Variants in TMEM59 observed in about 807,000 individuals in gnomAD.
The protein encoded by TMEM59 is transmembrane protein 59.
TMEM59 carries 44 observed loss-of-function variants against 42.2 expected under a neutral mutation model. The ratio of observed to expected loss-of-function variants is 1.04; its 90% CI spans 0.82 to 1.34. TMEM59 has a LOEUF of 1.34. Ranked by LOEUF, TMEM59 falls within the 40% of genes most tolerant of loss-of-function variation. TMEM59 has a pLI of 0.00. For synonymous variants in TMEM59, 148 were observed against 145.8 expected, an observed-to-expected ratio of 1.02 and a Z score of -0.11; for missense variants, 359 against 382.8, an observed-to-expected ratio of 0.94 and a Z score of 0.52.
chr1:54,041,390 A>C (rs192499701), intron 5 of TMEM59, among the ~76,000 whole-genome samples: 189 of 152,368 alleles, frequency 1.2e-3, no homozygotes, highest in African/African-American at 4.2e-3. Flanking sequence ...TTCATGCTCA[A>C]AACATCCTTT....
At chr1:54,048,721 C>T (rs749252588) in intron 1 of TMEM59, 8 of 399,652 alleles carry the variant, frequency 2.0e-5, no homozygotes, top group South Asian at 2.0e-5. Flanking sequence ...CAGTTAGCAA[C>T]CAATGAAATA....
chr1:54,049,161 C>T (rs1207248005), intron 1 of TMEM59, among the ~76,000 whole-genome samples: 1 of 152,080 alleles, frequency 6.6e-6, no homozygotes, highest in African/African-American at 2.4e-5. Flanking sequence ...AGGAATCGGC[C>T]CTGGTTTGAA....
rs1656725794 is a variant in TMEM59, at chr1:54,030,327, T to C, written c.*1823A>G. 3 of 152,170 alleles carry C rather than the reference T, an allele frequency of 2.0e-5. No homozygotes were observed. The highest frequency in any genetic ancestry group is 1.3e-4 in the Admixed American group (2 of 15,276). The allele number at this position is 152,170 out of a possible 1,614,324, so 9.4% of individuals were successfully genotyped here. A position where few individuals can be genotyped will look rare whatever the true frequency, so the allele number is the denominator to read the frequency against. The stretch of plus-strand genomic sequence containing the variant: ...TTCTCTGTTTGCTTCATTGGATGCA[T>C]TACAATTAAACCTGTGCCTGACTAA... On this transcript the variant is annotated 3_prime_UTR_variant, in exon 8 of 8. Transcript: ENST00000234831.
intron 1 of TMEM59, chr1:54,047,978 A>G (rs1657400611): frequency 6.6e-6 from 1 of 152,584 alleles, no homozygotes; most frequent in South Asian, 2.1e-4. Flanking sequence ...TTAAAAAACA[A>G]CAACAACAAA....
chr1:54,052,760 C>A (rs929375166), intron 1 of TMEM59, among the ~76,000 whole-genome samples: 1 of 152,156 alleles, frequency 6.6e-6, no homozygotes. Context: ...GGAAAGGGAT[C>A]GCGTCTTTCT....
At chr1:54,042,783 C>T (rs1657183047) in intron 4 of TMEM59, among the ~76,000 whole-genome samples, 1 of 152,192 alleles carries the variant, frequency 6.6e-6, no homozygotes, top group South Asian at 2.1e-4. Context: ...CAACAAGTTA[C>T]TCTCACCTTC....
At position 54,045,748 on chromosome 1, in the gene TMEM59, C is replaced by G. The variant is rs781490891; in HGVS notation, c.334G>C (p.Ala112Pro). The change falls in exon 3 of 8, where the codon GCT (alanine) becomes CCT (proline). Residue 112 changes from alanine (A) to proline (P), a missense_variant. Physicochemically the swap from Ala to Pro is conservative, Grantham distance 27. Coordinates refer to ENST00000234831, the MANE Select transcript of TMEM59 (RefSeq NM_004872.5). ...EAYSQSDEQY[A>P]CHLGCQNQLP... ...TGATTCTGGCAACCAAGATGGCAAG[C>G]ATATTGCTCATCAGATTGGGAATAT... The G allele has an allele frequency of 6.2e-7, 1 of 1,613,996 alleles. No homozygotes were observed. Among genetic ancestry groups the G allele is most frequent in the Admixed American group, 1.7e-5 (1 of 60,020 alleles).
At position 54,053,109 on chromosome 1, in the gene TMEM59, G is replaced by A; in HGVS notation, c.80C>T (p.Ala27Val). The part of the protein sequence containing the change: ...PPLLLLTMAL[A>V]GGSGTASAEA... ...AGCCGAAGCGGTCCCCGAACCTCCG[G>A]CCAAGGCCATGGTCAGCAGCAGCAG... is the stretch of plus-strand genomic sequence containing the variant. The change falls in exon 1 of 8, where the codon GCC becomes GTC. Residue 27 changes from alanine to valine, a missense_variant. By Grantham distance (64) the Ala-to-Val change is moderately conservative. Transcript: ENST00000234831. 5.0e-6 allele frequency: 8 copies of A among 1,614,248 alleles called. No homozygotes were observed. Among genetic ancestry groups the A allele is most frequent in the Non-Finnish European group, 6.8e-6 (8 of 1,180,040 alleles).
At chr1:54,034,814 G>A (rs7539402) in intron 7 of TMEM59, 19,740 of 152,210 alleles carry the variant, frequency 0.13, 2,959 homozygotes, top group African/African-American at 0.37. Context: ...TGGGTTGGAC[G>A]TGGATCTGAT....
At chr1:54,037,922 A>G (rs1657006809) in intron 6 of TMEM59, among the ~76,000 whole-genome samples, 1 of 152,212 alleles carries the variant, frequency 6.6e-6, no homozygotes, top group Admixed American at 6.5e-5. Context: ...TCTAGATTCC[A>G]GTAGCAACTA....
At chr1:54,037,644 C>T (rs560297208) in intron 6 of TMEM59, among the ~76,000 whole-genome samples, 1 of 152,214 alleles carries the variant, frequency 6.6e-6, no homozygotes, top group Non-Finnish European at 1.5e-5. Context: ...ATACTTACCA[C>T]CCTAATCACT....
At chr1:54,048,329 A>G (rs1657411833) in intron 1 of TMEM59, among the ~76,000 whole-genome samples, 1 of 152,222 alleles carries the variant, frequency 6.6e-6, no homozygotes, top group Non-Finnish European at 1.5e-5. Flanking sequence ...CTGTCTAAGA[A>G]TCTCAGCTTT....
rs776867806 is a variant in TMEM59, at chr1:54,053,119, T to TGGTCAGCAGCAGCAGCGGC, written c.51_69dup (p.Met24AlafsTer19). Reference sequence around the variant, plus strand: ...GTCCCCGAACCTCCGGCCAAGGCCATGGTCAGCAGCAGCAGCGGCGGGAGC... The same window carrying TGGTCAGCAGCAGCAGCGGC: ...GTCCCCGAACCTCCGGCCAAGGCCATGGTCAGCAGCAGCAGCGGCGGTCAGCAGCAGCAGCGGCGGGAGC... On this transcript the variant is annotated frameshift_variant, in exon 1 of 8. Transcript: ENST00000234831. LOFTEE classifies it high-confidence loss of function. 3.1e-6 allele frequency: 5 copies of TGGTCAGCAGCAGCAGCGGC among 1,614,226 alleles called. No individual in the cohort carries two copies. The highest frequency in any genetic ancestry group is 4.2e-6 in the Non-Finnish European group (5 of 1,180,030).
chr1:54,035,357 TAA>T (rs1656908933), intron 7 of TMEM59, among the ~76,000 whole-genome samples: 1 of 152,206 alleles, frequency 6.6e-6, no homozygotes, highest in South Asian at 2.1e-4. Flanking sequence ...ATAAGAAAAC[TAA>T]AGTTTATTTC....
At chr1:54,039,598 A>G (rs1013842250) in intron 6 of TMEM59, among the ~76,000 whole-genome samples, 8 of 152,234 alleles carry the variant, frequency 5.3e-5, no homozygotes, top group African/African-American at 1.9e-4. Flanking sequence ...GTAATGATAT[A>G]TGATAAAACC....
At chr1:54,041,643 TAAAAACA>T in intron 5 of TMEM59, 74 bp downstream of exon 5, 1 of 1,147,962 alleles carries the variant, frequency 8.7e-7, no homozygotes, top group Non-Finnish European at 1.3e-6. Context: ...TCCATCAGTG[TAAAAACA>T]AACATGACCA....
intron 1 of TMEM59, among the ~76,000 whole-genome samples, chr1:54,050,052 A>G: frequency 6.6e-6 from 1 of 152,354 alleles, no homozygotes; most frequent in Non-Finnish European, 1.5e-5. Context: ...TAATTTAAAA[A>G]TAACTATTTA....
At position 54,030,166 on chromosome 1, in the gene TMEM59, T is replaced by G. The variant is rs377666457; in HGVS notation, c.*1984A>C. 9 of 152,072 alleles carry G rather than the reference T, an allele frequency of 5.9e-5. No homozygotes were observed. The highest frequency in any genetic ancestry group is 5.8e-4 in the East Asian group (3 of 5,172). 9.4% of individuals were successfully genotyped at this position (152,072 alleles called of 1,614,324 possible). A position where few individuals can be genotyped will look rare whatever the true frequency, so the allele number is the denominator to read the frequency against. ...TTAAAAAAAAAAAAAAAGATGGGAT[T>G]CTCATTATATTGCCCAGGATGGTGT... On this transcript the variant is annotated 3_prime_UTR_variant, in exon 8 of 8. Transcript: ENST00000234831.
chr1:54,047,389 C>T lies in TMEM59; in HGVS notation c.190-17G>A. 2 of 1,596,308 alleles carry T rather than the reference C, an allele frequency of 1.3e-6. No individual in the cohort carries two copies. Among genetic ancestry groups the T allele is most frequent in the South Asian group, 2.2e-5 (2 of 89,006 alleles). On this transcript the variant is annotated splice_polypyrimidine_tract_variant and intron_variant, in intron 1 of 7. Transcript: ENST00000234831. ...CTCCTCTTCCTAGGGAGTTCAAGAA[C>T]AGGAAGGGTTACCAAAAAATAGTAT... is the stretch of plus-strand genomic sequence containing the variant.
Sources: gnomAD v4.1 joint callset for allele counts (sites outside exome capture counted in the v4.1 genomes callset) on GRCh38, gnomAD v4.1.1 for gene constraint, MANE v1.5 for transcripts, NCBI Gene and HGNC (gene_info 2026-07-23, HGNC 2026-07-21) for gene names.